Variants in TYW1B observed in about 807,000 individuals in gnomAD.
The protein encoded by TYW1B is tRNA-yW synthesizing protein 1 homolog B, also known as S-adenosyl-L-methionine-dependent tRNA 4-demethylwyosine synthase TYW1B.
Under a neutral mutation model 86.9 loss-of-function variants are expected in TYW1B, and 73 were observed. That is an observed-to-expected ratio of 0.84 (90% CI 0.70 to 1.02). TYW1B has a LOEUF of 1.02. Among genes scored for constraint, TYW1B ranks in the 50% least tolerant of loss-of-function variants. TYW1B has a pLI of 0.00. For synonymous variants in TYW1B, 248 were observed against 292.8 expected (o/e 0.85, Z 1.56); for missense variants, 637 against 827.4 (o/e 0.77, Z 2.82).
At chr7:72,740,144 A>T (rs1308242085) in intron 8 of TYW1B, among the ~76,000 whole-genome samples, 1 of 151,620 alleles carries the variant, frequency 6.6e-6, no homozygotes, top group Non-Finnish European at 1.5e-5. Context: ...GAGGCAGGAG[A>T]ATGGCATGAA....
At position 72,790,458 on chromosome 7, in the gene TYW1B, C is replaced by T. The variant is rs1249090175; in HGVS notation, c.846+11942G>A. 2.0e-5 allele frequency among the ~76,000 whole-genome samples: 3 copies of T among 152,178 alleles called. No individual in the cohort carries two copies. The East Asian group carries it at 5.8e-4, about 29-fold the overall frequency. Reference sequence around the variant, plus strand: ...AGCTCAATAAAAACTGGGCCAGGCACAGTGGCTGACGTCTGTCACCAGCTG... The same window carrying T: ...AGCTCAATAAAAACTGGGCCAGGCATAGTGGCTGACGTCTGTCACCAGCTG... On this transcript the variant is annotated intron_variant, in intron 6 of 13. Coordinates refer to ENST00000620995, the MANE Select transcript of TYW1B (RefSeq NM_001145440.3).
At chr7:72,704,085 T>C (rs1381546493) in intron 10 of TYW1B, among the ~76,000 whole-genome samples, 2 of 152,050 alleles carry the variant, frequency 1.3e-5, no homozygotes, top group Non-Finnish European at 2.9e-5. Context: ...GTTAAAAATT[T>C]TGAGTTGTTA....
chr7:72,641,907 T>C (rs1273979106), intron 11 of TYW1B, among the ~76,000 whole-genome samples: 1 of 152,132 alleles, frequency 6.6e-6, no homozygotes, highest in Admixed American at 6.5e-5. Context: ...TGGAAATGCA[T>C]AGGAACCCAA....
Position 72,661,806 on chromosome 7 carries a change from G to A in TYW1B, c.1507-32809C>T, listed in dbSNP as rs184378783. On this transcript the variant is annotated intron_variant, in intron 11 of 13. Transcript: ENST00000620995. ...TATTCAAACTGCACCTCCACTAAGA[G>A]ATGGGCAGGTGGTAGTTTTTTTGTT... 4.2e-4 allele frequency among the ~76,000 whole-genome samples: 64 copies of A among 152,168 alleles called. 1 individual carries two copies. Among genetic ancestry groups the A allele is most frequent in the Admixed American group, 2.9e-3 (45 of 15,264 alleles).
intron 11 of TYW1B, among the ~76,000 whole-genome samples, chr7:72,665,082 C>T (rs1302140557): frequency 3.9e-5 from 6 of 152,002 alleles, no homozygotes; most frequent in East Asian, 3.9e-4. Flanking sequence ...TACAGAGGGC[C>T]GACTCTGCTC....
chr7:72,665,484 A>C (rs781838998), intron 11 of TYW1B, among the ~76,000 whole-genome samples: 7 of 152,220 alleles, frequency 4.6e-5, no homozygotes, highest in Non-Finnish European at 8.8e-5. Context: ...TGTTATATGC[A>C]GCTGATCTGA....
chr7:72,789,403 T>G (rs1554473043), intron 6 of TYW1B, among the ~76,000 whole-genome samples: 1 of 152,162 alleles, frequency 6.6e-6, no homozygotes. Context: ...CCCAAACTAC[T>G]GGGATGATAG....
At chr7:72,618,171 T>G (rs1471639005) in intron 12 of TYW1B, among the ~76,000 whole-genome samples, 15 of 146,578 alleles carry the variant, frequency 1.0e-4, no homozygotes, top group Non-Finnish European at 3.0e-5. Flanking sequence ...CAAATACATA[T>G]AAAGACAGGA....
chr7:72,811,215 G>A (rs1788609973), intron 3 of TYW1B, among the ~76,000 whole-genome samples: 1 of 148,302 alleles, frequency 6.7e-6, no homozygotes, highest in African/African-American at 2.5e-5. Context: ...AGCTTGTAGT[G>A]AGCCGAGATC....
intron 13 of TYW1B, among the ~76,000 whole-genome samples, chr7:72,578,486 G>A (rs1457864397): frequency 1.6e-4 from 25 of 152,122 alleles, no homozygotes; most frequent in Admixed American, 1.6e-3. Flanking sequence ...CTGACATCTT[G>A]AGACATGATG....
At chr7:72,810,093 C>A (rs1204995968) in intron 4 of TYW1B, among the ~76,000 whole-genome samples, 2 of 151,226 alleles carry the variant, frequency 1.3e-5, no homozygotes, top group African/African-American at 4.9e-5. Flanking sequence ...GCCTGGCTGG[C>A]ATGGTGAAAC....
At chr7:72,650,683 A>ACCT (rs1305578828) in intron 11 of TYW1B, among the ~76,000 whole-genome samples, 1 of 152,164 alleles carries the variant, frequency 6.6e-6, no homozygotes, top group Non-Finnish European at 1.5e-5. Context: ...CAGGAATTGG[A>ACCT]CCTAGCTGCC....
Position 72,816,839 on chromosome 7 carries a change from G to A in TYW1B, c.136-1358C>T, listed in dbSNP as rs183405431. ...CTGGGGAGAAGACACGGCCAGAAAC[G>A]GCCTGGAAGCCCTGCTCAACCCCCA... On this transcript the variant is annotated intron_variant, in intron 2 of 13. Transcript: ENST00000620995. Among the ~76,000 whole-genome samples the A allele has an allele frequency of 2.0e-3, 306 of 152,228 alleles. 2 individuals carry two copies. The highest frequency in any genetic ancestry group is 3.5e-3 in the Non-Finnish European group (241 of 68,018).
chr7:72,695,093 G>C (rs1409587815), intron 10 of TYW1B, among the ~76,000 whole-genome samples: 1 of 152,052 alleles, frequency 6.6e-6, no homozygotes, highest in Non-Finnish European at 1.5e-5. Context: ...AGTTTGAATG[G>C]AAAATAAACA....
chr7:72,736,543 T>C (rs1554461041), intron 8 of TYW1B, among the ~76,000 whole-genome samples: 1 of 152,216 alleles, frequency 6.6e-6, no homozygotes, highest in Non-Finnish European at 1.5e-5. Context: ...CTTCACTTTT[T>C]ACATGCATCC....
Position 72,826,943 on chromosome 7 carries a change from G to A in TYW1B, c.47C>T (p.Ser16Leu), listed in dbSNP as rs782292598. 2 of 1,613,700 alleles carry A rather than the reference G, an allele frequency of 1.2e-6. No homozygotes were observed. Among genetic ancestry groups the A allele is most frequent in the Non-Finnish European group, 8.5e-7 (1 of 1,179,892 alleles). The change falls in exon 2 of 14, where the codon TCA becomes TTA. Residue 16 changes from serine to leucine, a missense_variant. By Grantham distance (145) the Ser-to-Leu change is moderately radical. Coordinates refer to ENST00000620995, the MANE Select transcript of TYW1B (RefSeq NM_001145440.3). Reference sequence around the variant, plus strand: ...AATGTAAAACCTGTTTATCCATAATGATATTAAAGGTGAGGAGAGGTCCCA... The same window carrying A: ...AATGTAAAACCTGTTTATCCATAATAATATTAAAGGTGAGGAGAGGTCCCA... ...DTWDLSSPLI[S>L]LWINRFYIYL...
intron 11 of TYW1B, among the ~76,000 whole-genome samples, chr7:72,692,678 AG>A (rs1404916720): frequency 3.3e-5 from 5 of 152,150 alleles, no homozygotes; most frequent in African/African-American, 9.7e-5. Context: ...GAAGGGAAAA[AG>A]GGGCAGCTAA....
chr7:72,750,213 T>C (rs1157873505), intron 7 of TYW1B, among the ~76,000 whole-genome samples: 1 of 152,196 alleles, frequency 6.6e-6, no homozygotes, highest in Non-Finnish European at 1.5e-5. Flanking sequence ...GAATTCAGCT[T>C]GAAGAACTTT....
At chr7:72,806,343 C>G (rs1241654142) in intron 5 of TYW1B, among the ~76,000 whole-genome samples, 1 of 150,568 alleles carries the variant, frequency 6.6e-6, no homozygotes, top group Non-Finnish European at 1.5e-5. Context: ...TCAAGCGATT[C>G]TCATGCCTCA....
Sources: allele counts gnomAD v4.1 joint callset (sites outside exome capture counted in the v4.1 genomes callset), GRCh38; gene constraint gnomAD v4.1.1; transcripts MANE v1.5; gene names NCBI Gene and HGNC (gene_info 2026-07-23, HGNC 2026-07-21).